Variants in TAMM41 observed in about 807,000 individuals in gnomAD.
The protein encoded by TAMM41 is phosphatidate cytidylyltransferase, mitochondrial.
TAMM41 carries 36 observed loss-of-function variants against 44.1 expected under a neutral mutation model. That is an observed-to-expected ratio of 0.82 (90% CI 0.63 to 1.08). The LOEUF (loss-of-function observed/expected upper bound fraction) is 1.08. TAMM41 is among the 50% of genes least tolerant of loss of function. TAMM41 has a pLI of 0.00. For synonymous variants in TAMM41, 164 were observed against 153.1 expected (o/e 1.07, Z -0.53); for missense variants, 417 against 404.3 (o/e 1.03, Z -0.27).
At chr3:11,768,712 A>G in the TAMM41 span, among the ~76,000 whole-genome samples, 1 of 152,240 alleles carries the variant, frequency 6.6e-6, no homozygotes, top group South Asian at 2.1e-4. Flanking sequence ...CAAATGGTTC[A>G]GCTCCATTCC....
At chr3:11,815,767 T>C (rs937609444) in intron 5 of TAMM41, among the ~76,000 whole-genome samples, 9 of 151,536 alleles carry the variant, frequency 5.9e-5, no homozygotes, top group Non-Finnish European at 5.9e-5. Context: ...AAAAATAAAG[T>C]GTAAGATTGA....
chr3:11,838,551 T>C (rs1301309289), intron 3 of TAMM41, among the ~76,000 whole-genome samples: 1 of 152,162 alleles, frequency 6.6e-6, no homozygotes, highest in Non-Finnish European at 1.5e-5. Flanking sequence ...ACTTGGTTAT[T>C]ATGAAGGACA....
chr3:11,845,089 A>C (rs1387928034), intron 1 of TAMM41: 1 of 434,096 alleles, frequency 2.3e-6, no homozygotes, highest in Non-Finnish European at 4.6e-6. Context: ...AGCTGCCGTC[A>C]GATATGACTG....
chr3:11,793,614 A>G (rs1388109941), intron 7 of TAMM41, among the ~76,000 whole-genome samples: 1 of 152,258 alleles, frequency 6.6e-6, no homozygotes, highest in African/African-American at 2.4e-5. Flanking sequence ...TAGAATGGAT[A>G]CATTGCGGTA....
intron 5 of TAMM41, among the ~76,000 whole-genome samples, chr3:11,814,768 G>C (rs2078219260): frequency 1.3e-5 from 2 of 152,184 alleles, no homozygotes; most frequent in Admixed American, 1.3e-4. Context: ...TTTGAGACCA[G>C]CCTGGGCAAT....
rs761903294 is a variant in TAMM41 at position 11,839,284 on chromosome 3, C to T, written c.349G>A (p.Val117Ile). Residue 117 changes from valine to isoleucine, a missense_variant, in exon 3 of 8, where the codon GTT (valine) becomes ATT (isoleucine). Val to Ile is a conservative substitution (Grantham distance 29). Transcript: ENST00000455809. The part of the protein sequence containing the change: ...LIKYGVISTN[V>I]LIEDLLNWNN... ...CAGTTGAGGAGATCTTCAATCAGAACGTTAGTGCTAATAACTCCATATTTG... is the reference window on the plus strand; with the variant it reads ...CAGTTGAGGAGATCTTCAATCAGAATGTTAGTGCTAATAACTCCATATTTG... 23 of 1,612,850 alleles carry T rather than the reference C, an allele frequency of 1.4e-5. No individual in the cohort carries two copies. Among genetic ancestry groups the T allele is most frequent in the South Asian group, 8.8e-5 (8 of 90,836 alleles).
At chr3:11,722,867 G>T in the TAMM41 span, among the ~76,000 whole-genome samples, 1 of 152,204 alleles carries the variant, frequency 6.6e-6, no homozygotes, top group African/African-American at 2.4e-5. Flanking sequence ...TACTCAGCAG[G>T]CTGAGTCAGG....
downstream of TAMM41, among the ~76,000 whole-genome samples, chr3:11,785,624 T>G (rs993683870): frequency 1.0e-4 from 15 of 143,976 alleles, no homozygotes; most frequent in African/African-American, 3.6e-4. Flanking sequence ...GTGCCCAGCC[T>G]GTTTTTTTCA....
chr3:11,766,660 G>A, the TAMM41 span, among the ~76,000 whole-genome samples: 70 of 152,000 alleles, frequency 4.6e-4, no homozygotes, highest in Middle Eastern at 6.8e-3. Context: ...TTGACTTCCT[G>A]GGCTCAAGCA....
intron 7 of TAMM41, chr3:11,807,504 C>T: frequency 6.5e-7 from 1 of 1,536,130 alleles, no homozygotes; most frequent in Non-Finnish European, 8.7e-7. Context: ...AGGGGGAGCA[C>T]AGATGCTGCT....
chr3:11,786,462 A>G (rs7628534), downstream of TAMM41, among the ~76,000 whole-genome samples: 85,589 of 150,816 alleles, frequency 0.57, 25,107 homozygotes, highest in East Asian at 0.76. Flanking sequence ...GAGCCACCAC[A>G]CCTGGCTAAT....
chr3:11,813,497 T>G (rs1189182038), intron 5 of TAMM41, among the ~76,000 whole-genome samples: 1 of 152,104 alleles, frequency 6.6e-6, no homozygotes. Flanking sequence ...GCCACTGCAC[T>G]CCAGCCTGGG....
the TAMM41 span, among the ~76,000 whole-genome samples, chr3:11,729,539 A>ATTTTTTTTTTTTTTTTTTTTTTTTTTTTT: frequency 9.3e-5 from 3 of 32,272 alleles, no homozygotes; most frequent in Admixed American, 4.1e-4. Flanking sequence ...TCTTTCTTTC[A>ATTTTTTTTTTTTTTTTTTTTTTTTTTTTT]TTTTTTTTTT....
intron 3 of TAMM41, among the ~76,000 whole-genome samples, chr3:11,833,546 CA>C (rs1225638331): frequency 6.6e-6 from 1 of 152,208 alleles, no homozygotes; most frequent in Non-Finnish European, 1.5e-5. Flanking sequence ...AAACGCTGAA[CA>C]TTAGAGCTGG....
intron 6 of TAMM41, chr3:11,808,723 C>CTT (rs150689636): frequency 4.3e-6 from 3 of 691,818 alleles, no homozygotes; most frequent in African/African-American, 3.9e-5. Context: ...GGTTCAGGCT[C>CTT]TTTTTTTTGT....
At chr3:11,738,678 A>T in the TAMM41 span, among the ~76,000 whole-genome samples, 2 of 152,100 alleles carry the variant, frequency 1.3e-5, no homozygotes, top group Non-Finnish European at 2.9e-5. Context: ...CTCCCCAAAA[A>T]ATGAATCCCA....
chr3:11,722,214 C>T, the TAMM41 span, among the ~76,000 whole-genome samples: 1 of 152,154 alleles, frequency 6.6e-6, no homozygotes, highest in Non-Finnish European at 1.5e-5. Flanking sequence ...GACCTTTTCT[C>T]ATGGATGTGA....
intron 4 of TAMM41, among the ~76,000 whole-genome samples, chr3:11,818,597 T>C (rs1203568301): frequency 6.6e-6 from 1 of 152,060 alleles, no homozygotes; most frequent in Non-Finnish European, 1.5e-5. Context: ...ACTGCAAGCT[T>C]AGAAAAACAG....
At chr3:11,789,956 A>G (rs997089315), downstream of TAMM41, among the ~76,000 whole-genome samples, 7 of 152,222 alleles carry the variant, frequency 4.6e-5, no homozygotes, top group Admixed American at 2.6e-4. Context: ...CCTAACTGTT[A>G]CAATAAGGCA....
Sources: allele counts gnomAD v4.1 joint callset (sites outside exome capture counted in the v4.1 genomes callset), GRCh38; gene constraint gnomAD v4.1.1; transcripts MANE v1.5; gene names NCBI Gene and HGNC (gene_info 2026-07-23, HGNC 2026-07-21).